The following CCDC141 variants were observed in gnomAD, a reference collection of about 807,000 sequenced individuals.
The protein encoded by CCDC141 is coiled-coil domain containing 141.
In CCDC141, 168 loss-of-function variants were observed where a neutral mutation model predicts 181.0. That is an observed-to-expected ratio of 0.93 (90% confidence interval 0.82 to 1.05). CCDC141 has a LOEUF of 1.05. Among genes scored for constraint, CCDC141 ranks in the 50% least tolerant of loss-of-function variants. The probability of loss-of-function intolerance (pLI) is 0.00; values close to 1 mark genes in which losing one functional copy is unlikely to be tolerated. For missense variants in CCDC141, 1,902 were observed against 1,788.5 expected (o/e 1.06, Z -1.14); for synonymous variants, 666 against 642.3 (o/e 1.04, Z -0.56).
rs766496516 is a variant in CCDC141, at chr2:178,878,478, ATTT to A, written c.1720-338_1720-336del. 5.8e-4 allele frequency among the ~76,000 whole-genome samples: 66 copies of A among 114,610 alleles called. 1 individual carries two copies. The highest frequency in any genetic ancestry group is 2.0e-3 in the Admixed American group (21 of 10,512). The allele number at this position is 114,610 out of a possible 152,430, so 75.2% of individuals were successfully genotyped here. Reference sequence around the variant, plus strand: ...AGGCACCCGGCACCAGGCCTGGCTAATTTTTTTTTTTTTTTTTTTTGGTAGAGA... The same window carrying A: ...AGGCACCCGGCACCAGGCCTGGCTAATTTTTTTTTTTTTTTTTGGTAGAGA... On this transcript the variant is annotated intron_variant, in intron 11 of 23. Coordinates refer to ENST00000443758, the MANE Select transcript of CCDC141 (RefSeq NM_173648.4).
chr2:179,042,757 C>G (rs1405294848), intron 2 of CCDC141, among the ~76,000 whole-genome samples: 2 of 152,108 alleles, frequency 1.3e-5, no homozygotes, highest in Non-Finnish European at 2.9e-5. Flanking sequence ...ATGCCGACAT[C>G]ATAAAGCTAG....
At chr2:178,835,109 A>G (rs1227976415) in intron 23 of CCDC141, among the ~76,000 whole-genome samples, 1 of 152,128 alleles carries the variant, frequency 6.6e-6, no homozygotes, top group Non-Finnish European at 1.5e-5. Context: ...CATGTTGTCC[A>G]GCTTTATTCT....
At chr2:178,994,295 G>C (rs145377468) in intron 2 of CCDC141, among the ~76,000 whole-genome samples, 140 of 152,338 alleles carry the variant, frequency 9.2e-4, no homozygotes, top group African/African-American at 3.2e-3. Context: ...AGTCTAGGAA[G>C]AGGGTCCGAA....
chr2:179,044,022 T>A (rs115492163), intron 2 of CCDC141, among the ~76,000 whole-genome samples: 6,744 of 152,110 alleles, frequency 0.044, 165 homozygotes, highest in African/African-American at 0.063. Flanking sequence ...ACAGGCAAGC[T>A]GAGACCCAAA....
chr2:178,984,349 C>T (rs930957369), intron 2 of CCDC141, among the ~76,000 whole-genome samples: 14 of 148,990 alleles, frequency 9.4e-5, no homozygotes, highest in Admixed American at 5.3e-4. Flanking sequence ...CAGTACCAGC[C>T]GCTGCAAAAT....
At position 178,865,933 on chromosome 2, in the gene CCDC141, G is replaced by A. The variant is rs1685833456; in HGVS notation, c.2575-17C>T. On this transcript the variant is annotated splice_polypyrimidine_tract_variant and intron_variant, in intron 16 of 23. Coordinates refer to ENST00000443758, the MANE Select transcript of CCDC141 (RefSeq NM_173648.4). ...AGAGCAGTGCTAAAAGAGACAAATGGTGGTAACAGAGAGAAAGGACGAAAC... is the reference window on the plus strand; with the variant it reads ...AGAGCAGTGCTAAAAGAGACAAATGATGGTAACAGAGAGAAAGGACGAAAC... 2 of 1,475,788 alleles carry A rather than the reference G, an allele frequency of 1.4e-6. No homozygotes were observed. The highest frequency in any genetic ancestry group is 2.9e-5 in the South Asian group (2 of 69,338). The allele number at this position is 1,475,788 out of a possible 1,614,324, so 91.4% of individuals were successfully genotyped here.
chr2:178,942,160 G>T (rs1258502138), intron 6 of CCDC141, among the ~76,000 whole-genome samples: 1 of 152,002 alleles, frequency 6.6e-6, no homozygotes, highest in Non-Finnish European at 1.5e-5. Context: ...TAAAGGAAGT[G>T]CATATACTTG....
chr2:178,953,431 C>T (rs1234019068), intron 5 of CCDC141, among the ~76,000 whole-genome samples: 1 of 142,962 alleles, frequency 7.0e-6, no homozygotes, highest in East Asian at 2.0e-4. Context: ...AGCGAGACTC[C>T]CTCTCAAAAA....
chr2:178,928,888 C>A (rs10194023), intron 6 of CCDC141, among the ~76,000 whole-genome samples: 92,110 of 152,032 alleles, frequency 0.61, 28,193 homozygotes, highest in East Asian at 0.74. Context: ...ATTATGTGGA[C>A]ATTCCCAATG....
Position 178,918,765 on chromosome 2 carries a change from T to G in CCDC141, c.1040A>C (p.Glu347Ala), listed in dbSNP as rs1320653937. ...LQEEFGQLMV[E>A]RNTWLKKANE... ...CGCCTTCTTTAACCAGGTATTCCTT[T>G]CCACCATGAGTTGACCAAATTCTTC... The change falls in exon 7 of 24, where the codon GAA becomes GCA. Residue 347 changes from glutamate to alanine, a missense_variant. Physicochemically the swap from Glu to Ala is moderately radical, Grantham distance 107. Coordinates refer to ENST00000443758, the MANE Select transcript of CCDC141 (RefSeq NM_173648.4). 1 of 1,550,624 alleles carries G rather than the reference T, an allele frequency of 6.4e-7. No homozygotes were observed. Among genetic ancestry groups the G allele is most frequent in the South Asian group, 1.2e-5 (1 of 84,066 alleles).
At chr2:179,036,073 G>A (rs1479560130) in intron 2 of CCDC141, among the ~76,000 whole-genome samples, 6 of 152,216 alleles carry the variant, frequency 3.9e-5, no homozygotes, top group African/African-American at 1.4e-4. Flanking sequence ...AAAGGAGTAT[G>A]GCGTGTGCCT....
chr2:178,818,980 A>G, the CCDC141 span, among the ~76,000 whole-genome samples: 2 of 152,192 alleles, frequency 1.3e-5, no homozygotes, highest in African/African-American at 4.8e-5. Flanking sequence ...CTCACATATA[A>G]GGGAGAAAGA....
intron 2 of CCDC141, among the ~76,000 whole-genome samples, chr2:178,991,538 G>C (rs1005671416): frequency 2.0e-5 from 3 of 152,086 alleles, no homozygotes; most frequent in African/African-American, 7.2e-5. Context: ...GGCTAGGAGG[G>C]TAAGAAGGAA....
At chr2:178,950,159 A>G (rs1689890719) in intron 5 of CCDC141, among the ~76,000 whole-genome samples, 1 of 152,220 alleles carries the variant, frequency 6.6e-6, no homozygotes. Flanking sequence ...AAACTGATAA[A>G]GGAAAAAGGC....
Position 179,050,110 on chromosome 2 carries a change from T to C in CCDC141, c.-169A>G, listed in dbSNP as rs550643409. ...AGGAGGTTAAAAATAGACAACCCCA[T>C]TGAGTTTATCGTGAGAGAGAAAGGA... On this transcript the variant is annotated 5_prime_UTR_variant, in exon 1 of 24. The change abolishes an upstream ATG in the 5' untranslated region. Coordinates refer to ENST00000443758, the MANE Select transcript of CCDC141 (RefSeq NM_173648.4). 6.8e-6 allele frequency: 7 copies of C among 1,030,182 alleles called. No homozygotes were observed. The highest frequency in any genetic ancestry group is 5.4e-5 in the East Asian group (2 of 37,072). 63.8% of individuals were successfully genotyped at this position (1,030,182 alleles called of 1,614,324 possible).
chr2:179,035,965 C>A (rs2043133810), intron 2 of CCDC141, among the ~76,000 whole-genome samples: 1 of 152,190 alleles, frequency 6.6e-6, no homozygotes, highest in Non-Finnish European at 1.5e-5. Context: ...AAAGAGTTGA[C>A]AGTATTCACT....
Position 178,978,533 on chromosome 2 carries a change from C to T in CCDC141, c.368G>A (p.Arg123Lys). The T allele has an allele frequency of 1.3e-6, 2 of 1,539,796 alleles. No individual in the cohort carries two copies. The highest frequency in any genetic ancestry group is 1.7e-6 in the Non-Finnish European group (2 of 1,143,048). Residue 123 changes from arginine to lysine, a missense_variant, in exon 3 of 24, where the codon AGA (arginine) becomes AAA (lysine). Transcript: ENST00000443758. ...WAALVSMLER[R>K]TELLRLTSEF... Reference sequence around the variant, plus strand: ...AGAAGTCAACCTAAGGAGCTCTGTTCTTCTTTCAAGCATGGACACCAGAGC... The same window carrying T: ...AGAAGTCAACCTAAGGAGCTCTGTTTTTCTTTCAAGCATGGACACCAGAGC...
chr2:178,826,813 T>G (rs964671365), downstream of CCDC141, among the ~76,000 whole-genome samples: 4 of 152,018 alleles, frequency 2.6e-5, no homozygotes, highest in Non-Finnish European at 5.9e-5. Context: ...AGAACAAGCT[T>G]TTGGTCTCAT....
In CCDC141 at chr2:178,937,858, G is replaced by A. The variant is rs144208268; in HGVS notation, c.897+6677C>T. Among the ~76,000 whole-genome samples, 42 of 151,986 alleles carry A rather than the reference G, an allele frequency of 2.8e-4. No homozygotes were observed. The East Asian group carries it at 6.6e-3, about 24-fold the overall frequency. Reference sequence around the variant, plus strand: ...CTTTTAGGTCTGTATAGAGGTGTTCGTTGTAGTTTCTGATGGTTATTTTTA... The same window carrying A: ...CTTTTAGGTCTGTATAGAGGTGTTCATTGTAGTTTCTGATGGTTATTTTTA... On this transcript the variant is annotated intron_variant, in intron 6 of 23. Transcript: ENST00000443758.
Sources: allele counts gnomAD v4.1 joint callset (sites outside exome capture counted in the v4.1 genomes callset), GRCh38; gene constraint gnomAD v4.1.1; transcripts MANE v1.5; gene names NCBI Gene and HGNC (gene_info 2026-07-23, HGNC 2026-07-21).